Variants in RNF170 observed in about 807,000 individuals in gnomAD.
RNF170 encodes the protein E3 ubiquitin-protein ligase RNF170.
In RNF170, 12 loss-of-function variants were observed where a neutral mutation model predicts 32.7. The ratio of observed to expected loss-of-function variants is 0.37; its 90% CI spans 0.24 to 0.60. The LOEUF (loss-of-function observed/expected upper bound fraction) is 0.60. Ranked by LOEUF, RNF170 falls within the 20% of genes least tolerant of loss-of-function variation. The pLI is 0.72. For synonymous variants in RNF170, 91 were observed against 103.6 expected, an observed-to-expected ratio of 0.88 and a Z score of 0.74; for missense variants, 212 against 311.2, an observed-to-expected ratio of 0.68 and a Z score of 2.40.
chr8:42,889,086 G>A (rs1806082153), intron 1 of RNF170, among the ~76,000 whole-genome samples: 1 of 152,154 alleles, frequency 6.6e-6, no homozygotes, highest in Non-Finnish European at 1.5e-5. Flanking sequence ...TTAGGCTATA[G>A]AACATTTATA....
downstream of RNF170, chr8:42,850,456 G>A (rs1241329391): frequency 2.9e-6 from 1 of 346,254 alleles, no homozygotes; most frequent in Non-Finnish European, 5.6e-6. Flanking sequence ...AGCCATGACT[G>A]AGTAAGAAGT....
chr8:42,860,612 A>G (rs1274770392), intron 6 of RNF170, among the ~76,000 whole-genome samples: 1 of 152,036 alleles, frequency 6.6e-6, no homozygotes, highest in Non-Finnish European at 1.5e-5. Flanking sequence ...TAGTAGAGAC[A>G]GGGTTTCACC....
chr8:42,860,871 C>T (rs1275376972), intron 6 of RNF170, among the ~76,000 whole-genome samples: 1 of 152,142 alleles, frequency 6.6e-6, no homozygotes, highest in Non-Finnish European at 1.5e-5. Flanking sequence ...GTGCCTGCCA[C>T]CACACTCAGC....
In RNF170 at chr8:42,854,523, C is replaced by T; in HGVS notation, c.*1636G>A. 1 of 1,286,984 alleles carries T rather than the reference C, an allele frequency of 7.8e-7. No homozygotes were observed. Among genetic ancestry groups the T allele is most frequent in the Non-Finnish European group, 1.0e-6 (1 of 988,480 alleles). 79.7% of individuals were successfully genotyped at this position (1,286,984 alleles called of 1,614,324 possible). A position where few individuals can be genotyped will look rare whatever the true frequency, so the allele number is the denominator to read the frequency against. ...TTAATTATAATGTGCTATGTTTAAG[C>T]ATTATTGTTTTTCTCTATGACAAGC... On this transcript the variant is annotated 3_prime_UTR_variant, in exon 7 of 7. Transcript: ENST00000527424.
chr8:42,854,003 C>T lies in RNF170; in HGVS notation c.*2156G>A. The stretch of plus-strand genomic sequence containing the variant: ...AAAAAATGACATCACCATTCCCCCA[C>T]ACCAAATGTGTAATTGGTAGGAAAT... On this transcript the variant is annotated 3_prime_UTR_variant, in exon 7 of 7. Transcript: ENST00000527424. 3 of 1,287,032 alleles carry T rather than the reference C, an allele frequency of 2.3e-6. No homozygotes were observed. The highest frequency in any genetic ancestry group is 3.0e-6 in the Non-Finnish European group (3 of 988,502). The allele number at this position is 1,287,032 out of a possible 1,614,324, so 79.7% of individuals were successfully genotyped here. A position where few individuals can be genotyped will look rare whatever the true frequency, so the allele number is the denominator to read the frequency against.
chr8:42,872,591 C>A (rs533781347), intron 3 of RNF170, among the ~76,000 whole-genome samples: 3 of 152,046 alleles, frequency 2.0e-5, no homozygotes, highest in Admixed American at 1.3e-4. Flanking sequence ...AACAGGTGTG[C>A]GCCACCATGC....
chr8:42,887,689 C>G (rs1453135060), intron 2 of RNF170, 39 bp downstream of exon 2: 14 of 1,606,964 alleles, frequency 8.7e-6, no homozygotes, highest in Non-Finnish European at 1.2e-5. Flanking sequence ...GTCAGCAGCC[C>G]TTGCAAATCT....
At chr8:42,896,353 G>C (rs1047920249) in intron 1 of RNF170, 131 bp downstream of exon 1, 3 of 416,940 alleles carry the variant, frequency 7.2e-6, no homozygotes, top group Non-Finnish European at 1.4e-5. Flanking sequence ...GGCCCGGGGG[G>C]AAGGAGGCGG....
intron 1 of RNF170, among the ~76,000 whole-genome samples, chr8:42,888,829 CTCT>C (rs912061307): frequency 4.7e-5 from 7 of 148,958 alleles, no homozygotes; most frequent in African/African-American, 1.7e-4. Flanking sequence ...TCCAACTGCT[CTCT>C]TCTTATTCCT....
rs1223313174 is a variant in RNF170 at position 42,854,344 on chromosome 8, A to C, written c.*1815T>G. The C allele has an allele frequency of 7.8e-7, 1 of 1,287,098 alleles. No individual in the cohort carries two copies. Among genetic ancestry groups the C allele is most frequent in the African/African-American group, 1.5e-5 (1 of 65,800 alleles). 79.7% of individuals were successfully genotyped at this position (1,287,098 alleles called of 1,614,324 possible). On this transcript the variant is annotated 3_prime_UTR_variant, in exon 7 of 7. Transcript: ENST00000527424. ...GAGTCCTACTAAGAAATTTTGGTGT[A>C]ATGCCACTTTGATCAGTTATTTGTT...
downstream of RNF170, among the ~76,000 whole-genome samples, chr8:42,853,058 C>T (rs1383516061): frequency 2.0e-5 from 3 of 151,170 alleles, no homozygotes; most frequent in African/African-American, 4.9e-5. Flanking sequence ...CCCAGGAATT[C>T]GAGGCTGCAG....
At chr8:42,852,397 C>T (rs1259123742), downstream of RNF170, among the ~76,000 whole-genome samples, 3 of 152,074 alleles carry the variant, frequency 2.0e-5, no homozygotes, top group African/African-American at 7.2e-5. Flanking sequence ...TGGTGAATTA[C>T]ATATAATTTA....
chr8:42,865,186 G>A (rs1483178751), intron 5 of RNF170, among the ~76,000 whole-genome samples: 1 of 151,756 alleles, frequency 6.6e-6, no homozygotes, highest in Non-Finnish European at 1.5e-5. Context: ...GGGCCCAGGA[G>A]GTCGAGGCTG....
intron 2 of RNF170, among the ~76,000 whole-genome samples, chr8:42,877,322 G>A (rs1805029374): frequency 6.6e-6 from 1 of 151,956 alleles, no homozygotes; most frequent in Non-Finnish European, 1.5e-5. Flanking sequence ...GGGTTCAAGC[G>A]ATTTCCAGCT....
At position 42,893,766 on chromosome 8, in the gene RNF170, C is replaced by T. The variant is rs570451255; in HGVS notation, c.-8+2718G>A. Among the ~76,000 whole-genome samples, 19 of 152,338 alleles carry T rather than the reference C, an allele frequency of 1.2e-4. No homozygotes were observed. In the South Asian group the frequency reaches 3.9e-3, roughly 32 times the overall value. ...AAAACTAGCCATGCCTGCCCCAGAGCTGCTCCACATAGCATCTCAAACTCT... is the reference window on the plus strand; with the variant it reads ...AAAACTAGCCATGCCTGCCCCAGAGTTGCTCCACATAGCATCTCAAACTCT... On this transcript the variant is annotated intron_variant, in intron 1 of 6. Coordinates refer to ENST00000527424, the MANE Select transcript of RNF170 (RefSeq NM_030954.4).
At chr8:42,874,114 G>C in intron 2 of RNF170, 108 bp from the exon 3 acceptor site, 1 of 719,906 alleles carries the variant, frequency 1.4e-6, no homozygotes, top group Non-Finnish European at 2.5e-6. Context: ...TAATGTAATT[G>C]ATGGCATACA....
At chr8:42,885,482 T>C (rs74830702) in intron 2 of RNF170, among the ~76,000 whole-genome samples, 139 of 152,334 alleles carry the variant, frequency 9.1e-4, no homozygotes, top group African/African-American at 3.2e-3. Flanking sequence ...GGAACCTTCA[T>C]ACTGTTTTCC....
At chr8:42,870,255 T>A in intron 3 of RNF170, 143 bp from the exon 4 acceptor site, 2 of 705,664 alleles carry the variant, frequency 2.8e-6, no homozygotes, top group Admixed American at 4.0e-5. Flanking sequence ...AGGTTATAAT[T>A]TTAAGAATGT....
intron 6 of RNF170, among the ~76,000 whole-genome samples, chr8:42,857,704 G>A (rs1803347728): frequency 6.6e-6 from 1 of 152,106 alleles, no homozygotes; most frequent in South Asian, 2.1e-4. Flanking sequence ...TAATAATTGA[G>A]TAATAGTATG....
Sources: allele counts gnomAD v4.1 joint callset (sites outside exome capture counted in the v4.1 genomes callset), GRCh38; gene constraint gnomAD v4.1.1; transcripts MANE v1.5; gene names NCBI Gene and HGNC (gene_info 2026-07-23, HGNC 2026-07-21).